Variants in ANXA8 observed in about 807,000 individuals in gnomAD.
ANXA8 encodes the protein VAC-beta.
In ANXA8, 9 loss-of-function variants were observed where a neutral mutation model predicts 26.8. That is an observed-to-expected ratio of 0.34 (90% confidence interval 0.20 to 0.59). The LOEUF is 0.59. ANXA8 is among the 20% of genes least tolerant of loss of function. ANXA8 has a pLI of 0.84. For missense variants in ANXA8, 83 were observed against 238.5 expected, an observed-to-expected ratio of 0.35 and a Z score of 4.29; for synonymous variants, 39 against 94.8, an observed-to-expected ratio of 0.41 and a Z score of 3.42.
At chr10:47,600,118 G>T in the ANXA8 span, among the ~76,000 whole-genome samples, 2 of 149,318 alleles carry the variant, frequency 1.3e-5, no homozygotes, top group Non-Finnish European at 2.9e-5. Context: ...GAAATCGGAT[G>T]TTTTGTGATT....
chr10:47,722,823 A>G, the ANXA8 span, among the ~76,000 whole-genome samples: 2 of 142,442 alleles, frequency 1.4e-5, no homozygotes, highest in Non-Finnish European at 3.1e-5. Context: ...AGAAGCGGTA[A>G]GAGGCTGTTG....
chr10:47,691,005 A>G, the ANXA8 span: 5 of 1,611,266 alleles, frequency 3.1e-6, no homozygotes, highest in Non-Finnish European at 4.2e-6. Flanking sequence ...TTAATAAAAA[A>G]CTGTGATTCT....
chr10:47,501,433 G>C, the ANXA8 span, among the ~76,000 whole-genome samples: 1 of 139,944 alleles, frequency 7.1e-6, no homozygotes, highest in Non-Finnish European at 1.5e-5. Context: ...CCATGGGCCT[G>C]GTACGGTGGC....
the ANXA8 span, among the ~76,000 whole-genome samples, chr10:47,970,764 A>C: frequency 6.6e-6 from 1 of 151,330 alleles, no homozygotes; most frequent in African/African-American, 2.4e-5. Context: ...GCCCTGAAAA[A>C]ACCCAAAGGC....
chr10:47,722,878 G>A, the ANXA8 span, among the ~76,000 whole-genome samples: 6 of 142,358 alleles, frequency 4.2e-5, 2 homozygotes, highest in African/African-American at 1.5e-4. Context: ...TAGAGAGGAA[G>A]CGGTAGGAAT....
chr10:47,901,738 A>G, the ANXA8 span, among the ~76,000 whole-genome samples: 5 of 135,068 alleles, frequency 3.7e-5, no homozygotes, highest in African/African-American at 5.6e-5. Context: ...AATTTACCAC[A>G]TAAGAGTCTT....
rs1465562986 is a variant in ANXA8, at chr10:47,483,830, C to T, written c.21+83G>A. The T allele has an allele frequency of 2.0e-4, 329 of 1,610,880 alleles. 4 individuals carry two copies. Among genetic ancestry groups the T allele is most frequent in the South Asian group, 1.8e-3 (162 of 90,938 alleles). On this transcript the variant is annotated intron_variant, in intron 1 of 11. Coordinates refer to ENST00000585281, the MANE Select transcript of ANXA8 (RefSeq NM_001040084.3). ...AGACTGAGCCACTCCCAGCCAAGGG[C>T]GACTTTACATTTCTCAGGACTCCCT... is the stretch of plus-strand genomic sequence containing the variant.
the ANXA8 span, among the ~76,000 whole-genome samples, chr10:47,513,572 C>T: frequency 7.1e-6 from 1 of 140,826 alleles, no homozygotes; most frequent in Non-Finnish European, 1.5e-5. Flanking sequence ...AGAACCGGCA[C>T]AGCCAAAACA....
chr10:47,650,062 G>A, the ANXA8 span, among the ~76,000 whole-genome samples: 71 of 149,342 alleles, frequency 4.8e-4, no homozygotes, highest in Middle Eastern at 0.014. Context: ...ACAAAAATTA[G>A]CTGGGCATGG....
chr10:47,958,296 T>C, the ANXA8 span, among the ~76,000 whole-genome samples: 18 of 148,946 alleles, frequency 1.2e-4, no homozygotes, highest in African/African-American at 4.3e-4. Flanking sequence ...CTGGGCAACA[T>C]GGCAAAACCC....
the ANXA8 span, among the ~76,000 whole-genome samples, chr10:47,743,405 T>TGTGTGAGAGAGA: frequency 1.1e-3 from 92 of 83,530 alleles, no homozygotes; most frequent in African/African-American, 3.4e-3. Context: ...TGTGTGTGTG[T>TGTGTGAGAGAGA]GAGAGAGAGA....
chr10:47,686,020 G>A, the ANXA8 span, among the ~76,000 whole-genome samples: 3 of 150,364 alleles, frequency 2.0e-5, no homozygotes, highest in South Asian at 2.1e-4. Context: ...CTATTTTGGG[G>A]TGGGGAATGA....
At chr10:47,492,657 G>A in the ANXA8 span, among the ~76,000 whole-genome samples, 7,141 of 105,426 alleles carry the variant, frequency 0.068, 866 homozygotes, top group African/African-American at 0.22. Flanking sequence ...CATCCCTGAG[G>A]CAAAGCATGC....
chr10:47,484,519 G>A (rs1839988222), upstream of ANXA8: 6 of 1,390,186 alleles, frequency 4.3e-6, no homozygotes. Context: ...GTGGCAGGCG[G>A]CACAGCCACC....
At chr10:47,551,486 A>G in the ANXA8 span, among the ~76,000 whole-genome samples, 2 of 151,884 alleles carry the variant, frequency 1.3e-5, no homozygotes, top group East Asian at 3.9e-4. Flanking sequence ...TCACCATAGA[A>G]ACAGTTTAAA....
the ANXA8 span, among the ~76,000 whole-genome samples, chr10:47,544,747 T>C: frequency 3.6e-5 from 5 of 138,680 alleles, no homozygotes; most frequent in African/African-American, 1.3e-4. Context: ...TCTGTCTAAG[T>C]ATGGTGAGGA....
At chr10:47,507,242 GC>G in the ANXA8 span, among the ~76,000 whole-genome samples, 1 of 120,818 alleles carries the variant, frequency 8.3e-6, no homozygotes, top group African/African-American at 3.0e-5. Flanking sequence ...GCATTATCTA[GC>G]CCATAATATC....
At chr10:47,561,671 T>C in the ANXA8 span, among the ~76,000 whole-genome samples, 177 of 151,964 alleles carry the variant, frequency 1.2e-3, 6 homozygotes, top group African/African-American at 4.1e-3. Context: ...TATTCGTATA[T>C]TAATTCAGCA....
At chr10:47,631,796 G>A in the ANXA8 span, among the ~76,000 whole-genome samples, 2 of 151,144 alleles carry the variant, frequency 1.3e-5, no homozygotes, top group Middle Eastern at 6.8e-3. Flanking sequence ...AAGTGTTTTT[G>A]TTTATATTTT....
Sources: gnomAD v4.1 joint callset for allele counts (sites outside exome capture counted in the v4.1 genomes callset) on GRCh38, gnomAD v4.1.1 for gene constraint, MANE v1.5 for transcripts, NCBI Gene and HGNC (gene_info 2026-07-23, HGNC 2026-07-21) for gene names.